The following PPM1F variants were observed in gnomAD, a reference collection of about 807,000 sequenced individuals.
PPM1F encodes the protein protein phosphatase, Mg2+/Mn2+ dependent 1F.
In PPM1F, 17 loss-of-function variants were observed where a neutral mutation model predicts 35.5. That is an observed-to-expected ratio of 0.48 (90% CI 0.33 to 0.72). The LOEUF is 0.72. Ranked by LOEUF, PPM1F falls within the 30% of genes least tolerant of loss-of-function variation. The probability of loss-of-function intolerance (pLI) is 0.02; values close to 1 mark genes in which losing one functional copy is unlikely to be tolerated. For missense variants in PPM1F, 521 were observed against 613.0 expected (o/e 0.85, Z 1.59); for synonymous variants, 241 against 255.5 (o/e 0.94, Z 0.54).
Position 21,945,868 on chromosome 22 carries a change from G to A in PPM1F, c.181C>T (p.Leu61=). The change falls in exon 2 of 8, where the codon CTG becomes TTG. Residue 61 remains leucine (L), a synonymous_variant. Coordinates refer to ENST00000263212, the MANE Select transcript of PPM1F (RefSeq NM_014634.4). ...QEEVEGELAE[L]AMGFLGSRKA... ...CTGCTGCCCAGAAAGCCCATGGCCAGCTCAGCCAGCTCGCCCTCCACCTCC... is the reference window on the plus strand; with the variant it reads ...CTGCTGCCCAGAAAGCCCATGGCCAACTCAGCCAGCTCGCCCTCCACCTCC... 6.2e-7 allele frequency: 1 copy of A among 1,611,194 alleles called. No homozygotes were observed. Among genetic ancestry groups the A allele is most frequent in the Non-Finnish European group, 8.5e-7 (1 of 1,179,794 alleles).
intron 2 of PPM1F, chr22:21,941,106 G>A (rs2070720704): frequency 6.6e-6 from 1 of 152,296 alleles, no homozygotes; most frequent in Admixed American, 6.5e-5. Flanking sequence ...GTACAGGTGG[G>A]GTTTTGCTAT....
chr22:21,939,720 A>T lies in PPM1F; in HGVS notation c.207-40T>A. ...GGGGAAGTGAGGGGCAGCCCCCAGC[A>T]GGAGACCACACCTAGCCCCCCTTCC... On this transcript the variant is annotated intron_variant, in intron 2 of 7. Coordinates refer to ENST00000263212, the MANE Select transcript of PPM1F (RefSeq NM_014634.4). This position sits in a 1 kb window ranked among gnomAD's most constrained non-coding sequence, Gnocchi z 5.1. The T allele has an allele frequency of 6.5e-7, 1 of 1,549,656 alleles. No homozygotes were observed. Among genetic ancestry groups the T allele is most frequent in the Non-Finnish European group, 8.7e-7 (1 of 1,145,948 alleles).
intron 6 of PPM1F, among the ~76,000 whole-genome samples, chr22:21,927,942 GTTTTTTTTTTTTTTTTTTTT>G (rs60216371): frequency 1.3e-5 from 1 of 75,126 alleles, no homozygotes; most frequent in South Asian, 6.3e-4. Context: ...TTTTTGTTTT[GTTTTTTTTTTTTTTTTTTTT>G]TTTTTTTTGG....
At chr22:21,940,473 CA>C (rs749859056) in intron 2 of PPM1F, 71 of 129,954 alleles carry the variant, frequency 5.5e-4, no homozygotes, top group Non-Finnish European at 5.2e-4. Flanking sequence ...ATGCTGTCTC[CA>C]AAAAAAAAAA....
chr22:21,947,788 T>G (rs2062424288), intron 1 of PPM1F: 1 of 152,252 alleles, frequency 6.6e-6, no homozygotes, highest in African/African-American at 2.4e-5. Flanking sequence ...TGCAGGGAGC[T>G]CACAGCCCAC....
intron 1 of PPM1F, chr22:21,951,413 T>C (rs996459289): frequency 1.4e-5 from 2 of 142,896 alleles, no homozygotes. Context: ...TGGAGTGCAA[T>C]GGTGGGATCT....
chr22:21,946,770 C>G (rs2070781763), intron 1 of PPM1F: 1 of 152,254 alleles, frequency 6.6e-6, no homozygotes, highest in Non-Finnish European at 1.5e-5. Context: ...TCAATGCTCT[C>G]TAATAGGAGG....
chr22:21,928,172 G>A (rs2070543317), intron 6 of PPM1F, among the ~76,000 whole-genome samples: 1 of 152,022 alleles, frequency 6.6e-6, no homozygotes, highest in African/African-American at 2.4e-5. Context: ...GGTCAAAGCT[G>A]GAGCCGGTGG....
chr22:21,931,229 G>A lies in PPM1F; in HGVS notation c.810C>T (p.Ala270=), dbSNP rs1385384163. 1 of 1,614,112 alleles carries A rather than the reference G, an allele frequency of 6.2e-7. No homozygotes were observed. The highest frequency in any genetic ancestry group is 2.2e-5 in the East Asian group (1 of 44,880). The change falls in exon 6 of 8, where the codon GCC becomes GCT. Residue 270 remains alanine, a synonymous_variant. Transcript: ENST00000263212. ...ALIAGATLHV[A]WLGDSQVILV... ...AAATGACCTGGGAATCCCCGAGCCAGGCGACGTGCAGGGTCGCTCCTGCAA... is the reference window on the plus strand; with the variant it reads ...AAATGACCTGGGAATCCCCGAGCCAAGCGACGTGCAGGGTCGCTCCTGCAA...
rs775850661 is a variant in PPM1F, at chr22:21,923,271, C to T, written c.1186G>A (p.Ala396Thr). 2.5e-6 allele frequency: 4 copies of T among 1,613,396 alleles called. No individual in the cohort carries two copies. Among genetic ancestry groups the T allele is most frequent in the African/African-American group, 1.3e-5 (1 of 74,934 alleles). The part of the protein sequence containing the change: ...GLRVAEELVA[A>T]ARERGSHDNI... Reference sequence around the variant, plus strand: ...TCGTGGGAGCCCCGCTCCCGGGCCGCAGCCACCAGCTCCTCGGCGACACGG... The same window carrying T: ...TCGTGGGAGCCCCGCTCCCGGGCCGTAGCCACCAGCTCCTCGGCGACACGG... The change falls in exon 8 of 8, where the codon GCG becomes ACG. Residue 396 changes from alanine (A) to threonine (T), a missense_variant. Physicochemically the swap from Ala to Thr is moderately conservative, Grantham distance 58 (BLOSUM62 0). Transcript: ENST00000263212.
At chr22:21,944,326 G>A (rs1289958448) in intron 2 of PPM1F, 3 of 152,258 alleles carry the variant, frequency 2.0e-5, no homozygotes, top group East Asian at 1.9e-4. Flanking sequence ...AGCAATGTTT[G>A]TGCCCATGTT....
chr22:21,951,434 C>T (rs1372051517), intron 1 of PPM1F: 1 of 147,170 alleles, frequency 6.8e-6, no homozygotes, highest in African/African-American at 2.5e-5. Context: ...CAGCTCACTG[C>T]AACCTTCGCC....
intron 6 of PPM1F, among the ~76,000 whole-genome samples, chr22:21,929,094 G>C (rs2070556749): frequency 6.6e-6 from 1 of 152,282 alleles, no homozygotes; most frequent in East Asian, 1.9e-4. Flanking sequence ...GACCCCCGTT[G>C]AAGCTCGCCA....
chr22:21,938,065 G>C, intron 3 of PPM1F: 6 of 1,260,298 alleles, frequency 4.8e-6, no homozygotes, highest in Non-Finnish European at 6.2e-6. Flanking sequence ...AGGCAGGCCT[G>C]CATGCGAGGC....
rs951607825 is a variant in PPM1F, at chr22:21,940,000, G to C, written c.207-320C>G. On this transcript the variant is annotated intron_variant, in intron 2 of 7. Transcript: ENST00000263212. This position sits in a 1 kb window ranked among gnomAD's most constrained non-coding sequence, Gnocchi z 5.1. ...CACCCATGCCAGCTGGGGACCCTGG[G>C]GGGTGGGGAGTGTTCTGGGTTGAAT... 1.3e-5 allele frequency among the ~76,000 whole-genome samples: 2 copies of C among 152,188 alleles called. No homozygotes were observed. Among genetic ancestry groups the C allele is most frequent in the East Asian group, 1.9e-4 (1 of 5,194 alleles).
chr22:21,923,847 GTTTT>G (rs56102816), intron 7 of PPM1F, among the ~76,000 whole-genome samples: 34 of 136,424 alleles, frequency 2.5e-4, no homozygotes, highest in African/African-American at 7.0e-4. Flanking sequence ...CCAGCTAATT[GTTTT>G]TTTTTTTTTT....
chr22:21,927,201 G>T (rs573155968), intron 6 of PPM1F, among the ~76,000 whole-genome samples: 1 of 152,350 alleles, frequency 6.6e-6, no homozygotes, highest in South Asian at 2.1e-4. Context: ...GACCAGGAAG[G>T]AGGGAAGAGC....
At chr22:21,926,279 G>A (rs1326116074) in intron 6 of PPM1F, among the ~76,000 whole-genome samples, 1 of 151,900 alleles carries the variant, frequency 6.6e-6, no homozygotes, top group Non-Finnish European at 1.5e-5. Flanking sequence ...CTACAGGGGC[G>A]TGCCACCATG....
intron 7 of PPM1F, chr22:21,925,143 C>A: frequency 4.0e-6 from 1 of 252,268 alleles, no homozygotes; most frequent in Non-Finnish European, 7.5e-6. Flanking sequence ...GATCCACCCA[C>A]CTCGGCCTCC....
Sources: allele counts gnomAD v4.1 joint callset (sites outside exome capture counted in the v4.1 genomes callset), GRCh38; gene constraint gnomAD v4.1.1; non-coding constraint Gnocchi (gnomAD v3.1); transcripts MANE v1.5; gene names NCBI Gene and HGNC (gene_info 2026-07-23, HGNC 2026-07-21).